The following PSMG2 variants were observed in gnomAD, a reference collection of about 807,000 sequenced individuals.
PSMG2 encodes the protein CD40 ligand-activated specific transcript 3.
In PSMG2, 21 loss-of-function variants were observed where a neutral mutation model predicts 31.5. The ratio of observed to expected loss-of-function variants is 0.67; its 90% CI spans 0.47 to 0.96. PSMG2 has a LOEUF of 0.96. PSMG2 is among the 40% of genes least tolerant of loss of function. The pLI is 0.00. For missense variants in PSMG2, 318 were observed against 321.2 expected (o/e 0.99, Z 0.08); for synonymous variants, 120 against 110.4 (o/e 1.09, Z -0.54).
chr18:12,711,979 G>GATCTCCTGACCTTGTGATCCAC (rs1056777832), intron 2 of PSMG2, among the ~76,000 whole-genome samples: 4 of 151,902 alleles, frequency 2.6e-5, no homozygotes. Flanking sequence ...GGATGATCTT[G>GATCTCCTGACCTTGTGATCCAC]ATCTCCTGAC....
chr18:12,700,917 T>C, upstream of PSMG2: 1 of 1,524,668 alleles, frequency 6.6e-7, no homozygotes, highest in Non-Finnish European at 9.0e-7. Flanking sequence ...CATTAGTATA[T>C]ACATATATAC....
intron 1 of PSMG2, among the ~76,000 whole-genome samples, chr18:12,660,670 GTGA>G (rs1364982064): frequency 5.9e-5 from 9 of 152,152 alleles, no homozygotes; most frequent in African/African-American, 2.2e-4. Context: ...TTTTCCTTGA[GTGA>G]TGATTTTTTT....
intron 5 of PSMG2, chr18:12,724,247 A>G: frequency 2.7e-6 from 1 of 375,948 alleles, no homozygotes; most frequent in Non-Finnish European, 4.7e-6. Context: ...AGCCAAGGAC[A>G]GAAAGGCTGG....
chr18:12,717,732 A>G (rs2145147424), intron 3 of PSMG2, among the ~76,000 whole-genome samples: 1 of 152,276 alleles, frequency 6.6e-6, no homozygotes, highest in Non-Finnish European at 1.5e-5. Context: ...CTTCAGAGTA[A>G]AACTGGCCTG....
chr18:12,678,947 AAAAAAT>A (rs1316968656), intron 1 of PSMG2: 1 of 152,130 alleles, frequency 6.6e-6, no homozygotes, highest in African/African-American at 2.4e-5. Context: ...CTCCAAGAAA[AAAAAAT>A]AAAAATAAAA....
chr18:12,693,989 G>C (rs551211048), intron 1 of PSMG2, among the ~76,000 whole-genome samples: 1 of 152,156 alleles, frequency 6.6e-6, no homozygotes, highest in South Asian at 2.1e-4. Context: ...GTACCACCAT[G>C]CTTGACTAAT....
At chr18:12,679,201 G>A (rs2039257362) in intron 1 of PSMG2, 2 of 152,120 alleles carry the variant, frequency 1.3e-5, no homozygotes, top group Non-Finnish European at 2.9e-5. Flanking sequence ...AGAAGCTAAG[G>A]AAAGAGAATG....
chr18:12,688,001 T>C lies in PSMG2; in HGVS notation c.-36-18549T>C, dbSNP rs551815902. ...GCTCACGCCTGTAATCCCAGCACTT[T>C]GGGAGGCCAAGGTGGGTGGATCACG... On this transcript the variant is annotated intron_variant, in intron 1 of 6. Transcript: ENST00000585331. Among the ~76,000 whole-genome samples the C allele has an allele frequency of 5.3e-5, 8 of 152,026 alleles. No homozygotes were observed. The East Asian group carries it at 1.4e-3, about 26-fold the overall frequency.
intron 3 of PSMG2, among the ~76,000 whole-genome samples, chr18:12,714,878 T>C (rs2040363485): frequency 6.6e-6 from 1 of 151,734 alleles, no homozygotes; most frequent in Admixed American, 6.6e-5. Context: ...CTAAGTTTTG[T>C]ATTTTTAGTA....
At chr18:12,694,721 T>TC (rs1438529465) in intron 1 of PSMG2, among the ~76,000 whole-genome samples, 6 of 149,494 alleles carry the variant, frequency 4.0e-5, no homozygotes, top group Non-Finnish European at 1.5e-5. Flanking sequence ...TTTTTTTTTT[T>TC]CTTTTTTTGA....
At chr18:12,701,129 A>G (rs199570783), upstream of PSMG2, 166 of 1,596,686 alleles carry the variant, frequency 1.0e-4, no homozygotes, top group African/African-American at 1.5e-3. Context: ...TAGAAAACTC[A>G]TATTACAATT....
intron 5 of PSMG2, 145 bp from the exon 6 acceptor site, chr18:12,724,354 G>A (rs2040455886): frequency 1.5e-5 from 12 of 793,700 alleles, no homozygotes; most frequent in East Asian, 6.1e-5. Flanking sequence ...TGTGTGGGGC[G>A]AAGGGAGATG....
chr18:12,720,904 A>T (rs1295889122), intron 5 of PSMG2, among the ~76,000 whole-genome samples: 1 of 152,238 alleles, frequency 6.6e-6, no homozygotes, highest in Non-Finnish European at 1.5e-5. Context: ...GGTGGCTCAC[A>T]CTTGTAATCC....
chr18:12,700,118 G>A (rs899129192), upstream of PSMG2: 14 of 353,046 alleles, frequency 4.0e-5, no homozygotes, highest in African/African-American at 2.1e-4. Flanking sequence ...AAATGCTAAG[G>A]AATTAAACTG....
chr18:12,675,413 AAAAT>A (rs570598917), intron 1 of PSMG2, among the ~76,000 whole-genome samples: 153 of 152,046 alleles, frequency 1.0e-3, no homozygotes, highest in Middle Eastern at 6.8e-3. Flanking sequence ...ATAAATAAAT[AAAAT>A]AAATAAAAAA....
intron 1 of PSMG2, among the ~76,000 whole-genome samples, chr18:12,676,079 TCA>T (rs2039119798): frequency 6.6e-6 from 1 of 152,140 alleles, no homozygotes; most frequent in African/African-American, 2.4e-5. Flanking sequence ...ATTTTGATTA[TCA>T]TAATGGATCT....
intron 5 of PSMG2, among the ~76,000 whole-genome samples, chr18:12,722,799 CTG>C (rs1260007867): frequency 6.6e-6 from 1 of 152,250 alleles, no homozygotes; most frequent in Non-Finnish European, 1.5e-5. Context: ...TTATCCCACA[CTG>C]TGTGACAAAC....
At chr18:12,681,830 T>C (rs2039359178) in intron 1 of PSMG2, among the ~76,000 whole-genome samples, 3 of 151,882 alleles carry the variant, frequency 2.0e-5, no homozygotes, top group Admixed American at 2.0e-4. Context: ...TAAAGACCTA[T>C]AAAAAAATAG....
intron 1 of PSMG2, among the ~76,000 whole-genome samples, chr18:12,659,366 A>G (rs1352499759): frequency 1.3e-5 from 2 of 152,106 alleles, no homozygotes; most frequent in African/African-American, 2.4e-5. Context: ...ACGAAAAGGA[A>G]AATTAAGAAA....
Sources: allele counts gnomAD v4.1 joint callset (sites outside exome capture counted in the v4.1 genomes callset), GRCh38; gene constraint gnomAD v4.1.1; transcripts MANE v1.5; gene names NCBI Gene and HGNC (gene_info 2026-07-23, HGNC 2026-07-21).